The following TMEM233 variants were observed in gnomAD, a reference collection of about 807,000 sequenced individuals.
TMEM233 encodes transmembrane protein 233.
Under a neutral mutation model 11.2 loss-of-function variants are expected in TMEM233, and 6 were observed. The ratio of observed to expected loss-of-function variants is 0.54; its 90% CI spans 0.29 to 1.06. The LOEUF is 1.06. Among genes scored for constraint, TMEM233 ranks in the 50% least tolerant of loss-of-function variants. TMEM233 has a pLI of 0.08. For synonymous variants in TMEM233, 59 were observed against 55.8 expected (o/e 1.06, Z -0.26); for missense variants, 127 against 144.7 (o/e 0.88, Z 0.63).
intron 1 of TMEM233, among the ~76,000 whole-genome samples, chr12:119,625,503 T>TA (rs1954735477): frequency 6.6e-6 from 1 of 152,064 alleles, no homozygotes; most frequent in Non-Finnish European, 1.5e-5. Context: ...CTGAGAAACT[T>TA]AGACTACAGG....
At chr12:119,605,569 T>C (rs1274980080) in intron 1 of TMEM233, among the ~76,000 whole-genome samples, 1 of 151,878 alleles carries the variant, frequency 6.6e-6, no homozygotes, top group Non-Finnish European at 1.5e-5. Context: ...GCTGGAACTA[T>C]AGGCACGCAC....
At chr12:119,631,606 C>A (rs577188714) in intron 2 of TMEM233, 2 of 985,376 alleles carry the variant, frequency 2.0e-6, no homozygotes, top group Non-Finnish European at 2.4e-6. Context: ...CGTGAATGAA[C>A]CTGACTATAT....
At chr12:119,654,228 G>T in the TMEM233 span, among the ~76,000 whole-genome samples, 1 of 152,098 alleles carries the variant, frequency 6.6e-6, no homozygotes, top group Non-Finnish European at 1.5e-5. Context: ...GAAAAAAGGT[G>T]TCAAGCTCTA....
At position 119,627,782 on chromosome 12, in the gene TMEM233, C is replaced by A. The variant is rs560702127; in HGVS notation, c.187-1954C>A. On this transcript the variant is annotated intron_variant, in intron 1 of 2. Coordinates refer to ENST00000426426, the MANE Select transcript of TMEM233 (RefSeq NM_001136534.3). The stretch of plus-strand genomic sequence containing the variant: ...CTTGACTCCAGACCAGATTGAAGAC[C>A]GGCTGAAACAGGGAAAAGGCACTCA... Among the ~76,000 whole-genome samples, 28 of 152,240 alleles carry A rather than the reference C, an allele frequency of 1.8e-4. 1 individual carries two copies. The South Asian group carries it at 5.8e-3, about 32-fold the overall frequency.
At chr12:119,648,504 T>G in the TMEM233 span, among the ~76,000 whole-genome samples, 3 of 152,352 alleles carry the variant, frequency 2.0e-5, no homozygotes, top group African/African-American at 7.2e-5. Context: ...TTCTCTGATA[T>G]GCCAACGTTT....
chr12:119,631,596 C>T (rs777777619), intron 2 of TMEM233: 23 of 985,420 alleles, frequency 2.3e-5, no homozygotes, highest in Non-Finnish European at 2.5e-5. Flanking sequence ...GGAGAATACA[C>T]GTGAATGAAC....
rs376068407 is a variant in TMEM233, at chr12:119,639,955, G to A, written c.324-744G>A. On this transcript the variant is annotated intron_variant, in intron 2 of 2. Transcript: ENST00000426426. ...AAAACAAAAAAAGAAATTGCAGCACGATCACATTGTGTAAACGCATACACA... is the reference window on the plus strand; with the variant it reads ...AAAACAAAAAAAGAAATTGCAGCACAATCACATTGTGTAAACGCATACACA... 4.6e-5 allele frequency among the ~76,000 whole-genome samples: 7 copies of A among 152,252 alleles called. No homozygotes were observed. In the East Asian group the frequency reaches 7.7e-4, roughly 17 times the overall value.
intron 1 of TMEM233, among the ~76,000 whole-genome samples, chr12:119,611,501 C>T (rs182363408): frequency 2.0e-5 from 3 of 151,628 alleles, no homozygotes; most frequent in Non-Finnish European, 4.4e-5. Context: ...AGACTTTGCC[C>T]CTCTTTAACT....
chr12:119,615,243 A>G (rs1954502500), intron 1 of TMEM233, among the ~76,000 whole-genome samples: 2 of 147,876 alleles, frequency 1.4e-5, no homozygotes, highest in Non-Finnish European at 3.0e-5. Context: ...CCTTAATAAT[A>G]TTCTGTATTC....
chr12:119,608,679 A>G (rs796750002), intron 1 of TMEM233, among the ~76,000 whole-genome samples: 1 of 152,356 alleles, frequency 6.6e-6, no homozygotes, highest in African/African-American at 2.4e-5. Context: ...AAGAGCTTAA[A>G]GTCAACATGA....
At chr12:119,599,116 T>C (rs1026154325) in intron 1 of TMEM233, among the ~76,000 whole-genome samples, 3 of 152,176 alleles carry the variant, frequency 2.0e-5, no homozygotes, top group East Asian at 1.9e-4. Context: ...CTGAAACACA[T>C]ACAAATAAGC....
chr12:119,640,931 T>C lies in TMEM233; in HGVS notation c.*226T>C, dbSNP rs1200608762. The C allele has an allele frequency of 6.0e-6, 3 of 500,890 alleles. No individual in the cohort carries two copies. Among genetic ancestry groups the C allele is most frequent in the African/African-American group, 5.8e-5 (3 of 51,456 alleles). 31.0% of individuals were successfully genotyped at this position (500,890 alleles called of 1,614,324 possible). A position where few individuals can be genotyped will look rare whatever the true frequency, so the allele number is the denominator to read the frequency against. ...CGGATCAGCCAAAGTCATTGATTTG[T>C]AAAAATGAAAAGAAAACAGAAAAAA... On this transcript the variant is annotated 3_prime_UTR_variant, in exon 3 of 3. Transcript: ENST00000426426.
the TMEM233 span, among the ~76,000 whole-genome samples, chr12:119,649,333 GAGAAA>G: frequency 2.0e-5 from 3 of 151,916 alleles, no homozygotes; most frequent in African/African-American, 4.8e-5. Flanking sequence ...AAAAGGAGAA[GAGAAA>G]AGAAGAGAAA....
intron 1 of TMEM233, among the ~76,000 whole-genome samples, chr12:119,621,919 G>C (rs140137981): frequency 6.6e-6 from 1 of 152,178 alleles, no homozygotes; most frequent in Non-Finnish European, 1.5e-5. Context: ...TCACTGAGTT[G>C]TTTTATATTA....
intron 1 of TMEM233, among the ~76,000 whole-genome samples, chr12:119,611,117 A>G (rs962620744): frequency 6.6e-6 from 1 of 152,168 alleles, no homozygotes; most frequent in African/African-American, 2.4e-5. Context: ...TTGGCTCTTA[A>G]AAATATGCTG....
In TMEM233 at chr12:119,640,714, C is replaced by T. The variant is rs778499831; in HGVS notation, c.*9C>T. Reference sequence around the variant, plus strand: ...TACCACACAGTGCCTGAGGAACCAGCGGTCAGTGGGCTGTGAGCGTGGAGG... The same window carrying T: ...TACCACACAGTGCCTGAGGAACCAGTGGTCAGTGGGCTGTGAGCGTGGAGG... On this transcript the variant is annotated 3_prime_UTR_variant, in exon 3 of 3. Coordinates refer to ENST00000426426, the MANE Select transcript of TMEM233 (RefSeq NM_001136534.3). 2.1e-5 allele frequency: 32 copies of T among 1,550,714 alleles called. No homozygotes were observed. The highest frequency in any genetic ancestry group is 2.4e-5 in the East Asian group (1 of 40,916).
the TMEM233 span, among the ~76,000 whole-genome samples, chr12:119,650,628 T>TTTGTTGTTGTTGTTGTTG: frequency 2.0e-5 from 3 of 151,338 alleles, no homozygotes; most frequent in African/African-American, 7.3e-5. Context: ...CTTATTTGAT[T>TTTGTTGTTGTTGTTGTTG]TTGTTGTTGT....
At chr12:119,615,749 G>A (rs908685750) in intron 1 of TMEM233, among the ~76,000 whole-genome samples, 1 of 152,166 alleles carries the variant, frequency 6.6e-6, no homozygotes, top group African/African-American at 2.4e-5. Flanking sequence ...ACATTTTCCT[G>A]GCTTAGGGCA....
chr12:119,594,695 A>G lies in TMEM233; in HGVS notation c.186+661A>G, dbSNP rs1207074595. On this transcript the variant is annotated intron_variant, in intron 1 of 2. Transcript: ENST00000426426. The surrounding 1 kb of genome is among the most constrained non-coding windows in gnomAD (Gnocchi z 5.6). ...TTCCTCTCGCTTCTTCCTACACCCA[A>G]CTTCCTCTCCTTGCCTCCCTCCGGC... Among the ~76,000 whole-genome samples the G allele has an allele frequency of 3.3e-5, 5 of 151,386 alleles. No homozygotes were observed. The highest frequency in any genetic ancestry group is 3.3e-4 in the Admixed American group (5 of 15,210).
Sources: gnomAD v4.1 joint callset for allele counts (sites outside exome capture counted in the v4.1 genomes callset) on GRCh38, gnomAD v4.1.1 for gene constraint, Gnocchi (gnomAD v3.1) non-coding constraint, MANE v1.5 for transcripts, NCBI Gene and HGNC (gene_info 2026-07-23, HGNC 2026-07-21) for gene names.